PDE1A: variants seen among roughly 807,000 people sequenced by gnomAD.
The protein encoded by PDE1A is phosphodiesterase 1A.
In PDE1A, 35 loss-of-function variants were observed where a neutral mutation model predicts 61.7. The observed-to-expected ratio is 0.57, with a 90% CI of 0.43 to 0.75. The LOEUF is 0.75. Among genes scored for constraint, PDE1A ranks in the 30% least tolerant of loss-of-function variants. The probability of loss-of-function intolerance (pLI) is 0.00; values close to 1 mark genes in which losing one functional copy is unlikely to be tolerated. For missense variants in PDE1A, 597 were observed against 630.6 expected, an observed-to-expected ratio of 0.95 and a Z score of 0.57; for synonymous variants, 232 against 213.2, an observed-to-expected ratio of 1.09 and a Z score of -0.77.
At chr2:182,335,313 A>G (rs918288898) in intron 1 of PDE1A, among the ~76,000 whole-genome samples, 3 of 152,182 alleles carry the variant, frequency 2.0e-5, no homozygotes, top group African/African-American at 7.2e-5. Context: ...AGCCAAGACA[A>G]TCCTAAGCAA....
chr2:182,605,800 A>T, the PDE1A span, among the ~76,000 whole-genome samples: 4 of 152,212 alleles, frequency 2.6e-5, no homozygotes, highest in Non-Finnish European at 1.5e-5. Context: ...TGAAGTAAAA[A>T]GAGAGGAAGG....
the PDE1A span, among the ~76,000 whole-genome samples, chr2:182,614,610 T>C: frequency 6.8e-6 from 1 of 146,518 alleles, no homozygotes; most frequent in South Asian, 2.2e-4. Context: ...CAGGCTGGAG[T>C]GCAGTGGTGC....
the PDE1A span, among the ~76,000 whole-genome samples, chr2:182,661,969 A>AT: frequency 6.6e-6 from 1 of 152,074 alleles, no homozygotes; most frequent in Non-Finnish European, 1.5e-5. Flanking sequence ...TCCAAAGAAA[A>AT]TTTTACTAAT....
rs1424693449 is a variant in PDE1A at position 182,382,923 on chromosome 2, G to A, written c.53+43655C>T. Reference sequence around the variant, plus strand: ...GCATGTATGGAAAACATATTTAAAAGTAAGAAATGGTGCTAGATAAATTTA... The same window carrying A: ...GCATGTATGGAAAACATATTTAAAAATAAGAAATGGTGCTAGATAAATTTA... On this transcript the variant is annotated intron_variant, in intron 1 of 13. Transcript: ENST00000351439. 7.2e-5 allele frequency among the ~76,000 whole-genome samples: 11 copies of A among 152,122 alleles called. No individual in the cohort carries two copies. The South Asian group carries it at 2.3e-3, about 32-fold the overall frequency.
At chr2:182,426,055 T>C (rs1703601064) in intron 1 of PDE1A, among the ~76,000 whole-genome samples, 1 of 152,172 alleles carries the variant, frequency 6.6e-6, no homozygotes, top group African/African-American at 2.4e-5. Flanking sequence ...TCCACCACAG[T>C]GTAAAATTTT....
chr2:182,662,184 G>A, the PDE1A span, among the ~76,000 whole-genome samples: 169 of 151,066 alleles, frequency 1.1e-3, 1 homozygote, highest in Non-Finnish European at 2.0e-3. Flanking sequence ...AAACAGGTAT[G>A]TATTGAGAAA....
chr2:182,630,746 ATACAAATC>A, the PDE1A span, among the ~76,000 whole-genome samples: 1 of 152,098 alleles, frequency 6.6e-6, no homozygotes, highest in Non-Finnish European at 1.5e-5. Flanking sequence ...ATGTTCTTCA[ATACAAATC>A]TATAGTTTTC....
chr2:182,528,344 C>A, the PDE1A span, among the ~76,000 whole-genome samples: 1 of 152,058 alleles, frequency 6.6e-6, no homozygotes, highest in Non-Finnish European at 1.5e-5. Context: ...TTTGCCCCTG[C>A]CCTAGAGATT....
intron 13 of PDE1A, among the ~76,000 whole-genome samples, chr2:182,169,728 T>C (rs1196063): frequency 0.99 from 151,266 of 152,162 alleles, 75,198 homozygotes; most frequent in East Asian, 1. Flanking sequence ...CATCTGATAA[T>C]TCATCTTCCT....
rs984110997 is a variant in PDE1A at position 182,335,690 on chromosome 2, T to C, written c.54-71276A>G. Among the ~76,000 whole-genome samples, 6 of 152,258 alleles carry C rather than the reference T, an allele frequency of 3.9e-5. 1 individual carries two copies. In the Middle Eastern group the frequency reaches 0.01, roughly 259 times the overall value. On this transcript the variant is annotated intron_variant, in intron 1 of 13. Coordinates refer to ENST00000351439, the Ensembl canonical transcript of PDE1A. ...CTAGAAGAAAACCTAGGCAATACCA[T>C]TGAGGACATAGGCATGGGCAAATCT...
chr2:182,304,577 C>T (rs1406882069), intron 1 of PDE1A, among the ~76,000 whole-genome samples: 1 of 152,148 alleles, frequency 6.6e-6, no homozygotes, highest in African/African-American at 2.4e-5. Context: ...AAGTAGGAGA[C>T]ATCTGACTTC....
chr2:182,329,517 G>C (rs1697266059), intron 1 of PDE1A, among the ~76,000 whole-genome samples: 1 of 152,014 alleles, frequency 6.6e-6, no homozygotes, highest in African/African-American at 2.4e-5. Flanking sequence ...AGCCTCCCGA[G>C]TAGCTGGGAT....
At chr2:182,650,576 A>G in the PDE1A span, among the ~76,000 whole-genome samples, 1 of 152,222 alleles carries the variant, frequency 6.6e-6, no homozygotes, top group African/African-American at 2.4e-5. Context: ...CCCAGAAAGC[A>G]TCTCAAAATT....
At chr2:182,676,220 G>T in the PDE1A span, among the ~76,000 whole-genome samples, 63 of 152,120 alleles carry the variant, frequency 4.1e-4, no homozygotes, top group East Asian at 0.012. Flanking sequence ...AATTAGAAAT[G>T]ACAAACGGGA....
At chr2:182,213,160 G>A (rs1006836865) in intron 7 of PDE1A, among the ~76,000 whole-genome samples, 4 of 150,772 alleles carry the variant, frequency 2.7e-5, no homozygotes, top group African/African-American at 7.3e-5. Context: ...GGGGCAGACT[G>A]ACACCTCACA....
intron 1 of PDE1A, among the ~76,000 whole-genome samples, chr2:182,395,585 T>C (rs995201453): frequency 2.0e-5 from 3 of 152,174 alleles, no homozygotes; most frequent in Non-Finnish European, 2.9e-5. Flanking sequence ...CATTCCTCAT[T>C]TGGGTGTGTT....
chr2:182,471,547 A>G (rs911937317), intron 2 of PDE1A, among the ~76,000 whole-genome samples: 2 of 151,762 alleles, frequency 1.3e-5, no homozygotes, highest in African/African-American at 4.8e-5. Flanking sequence ...AGATATACCA[A>G]CCCAATTCCT....
chr2:182,385,136 C>T (rs1407664879), intron 1 of PDE1A, among the ~76,000 whole-genome samples: 4 of 152,124 alleles, frequency 2.6e-5, no homozygotes, highest in East Asian at 1.9e-4. Context: ...AATCCATCTC[C>T]ACCAGGCCTG....
Position 182,462,143 on chromosome 2 carries a change from C to T in PDE1A, c.101+60133G>A, listed in dbSNP as rs553937118. Among the ~76,000 whole-genome samples the T allele has an allele frequency of 3.2e-4, 46 of 145,058 alleles. No individual in the cohort carries two copies. The East Asian group carries it at 4.4e-3, about 14-fold the overall frequency. ...ACACAGGAAGGGGAACATCACACACCGGGGCCTGTTGTGGGGTGGGGGGAG... is the reference window on the plus strand; with the variant it reads ...ACACAGGAAGGGGAACATCACACACTGGGGCCTGTTGTGGGGTGGGGGGAG... On this transcript the variant is annotated intron_variant, in intron 2 of 14. Coordinates refer to the PDE1A transcript ENST00000410103.
Sources: allele counts gnomAD v4.1 joint callset (sites outside exome capture counted in the v4.1 genomes callset), GRCh38; gene constraint gnomAD v4.1.1; transcripts MANE v1.5; gene names NCBI Gene and HGNC (gene_info 2026-07-23, HGNC 2026-07-21).